The following SPATA6 variants were observed in gnomAD, a reference collection of about 807,000 sequenced individuals.
SPATA6 encodes spermatogenesis-associated protein 6.
SPATA6 carries 56 observed loss-of-function variants against 65.3 expected under a neutral mutation model. The observed-to-expected ratio is 0.86, with a 90% CI of 0.69 to 1.07. The LOEUF (loss-of-function observed/expected upper bound fraction) is 1.07, where lower values mean the gene tolerates loss of function less well. Among genes scored for constraint, SPATA6 ranks in the 50% least tolerant of loss-of-function variants. The pLI is 0.00. For missense variants in SPATA6, 590 were observed against 594.8 expected (o/e 0.99, Z 0.08); for synonymous variants, 199 against 213.2 (o/e 0.93, Z 0.58).
At chr1:48,266,465 T>C in the SPATA6 span, among the ~76,000 whole-genome samples, 1 of 152,232 alleles carries the variant, frequency 6.6e-6, no homozygotes, top group Admixed American at 6.5e-5. Context: ...CTGTTCTACC[T>C]AATTCACAAA....
At chr1:48,435,877 T>C in intron 3 of SPATA6, 1 of 1,325,240 alleles carries the variant, frequency 7.5e-7, no homozygotes. Context: ...CTAGGTAGGA[T>C]ATATCTGCAT....
At chr1:48,369,622 C>T (rs528747593) in intron 9 of SPATA6, among the ~76,000 whole-genome samples, 85 of 152,294 alleles carry the variant, frequency 5.6e-4, no homozygotes, top group African/African-American at 1.9e-3. Context: ...TTTTTAAGCC[C>T]GTCGGAAAAG....
chr1:48,262,804 C>T, the SPATA6 span: 11 of 152,154 alleles, frequency 7.2e-5, no homozygotes, highest in South Asian at 4.1e-4. Context: ...ATAGTTTTTA[C>T]GTAACACTGC....
intron 12 of SPATA6, among the ~76,000 whole-genome samples, chr1:48,304,342 C>T (rs758034816): frequency 7.9e-5 from 12 of 152,052 alleles, no homozygotes; most frequent in South Asian, 2.1e-4. Context: ...TTGAGAGGTA[C>T]CAAATTGTTC....
intron 3 of SPATA6, among the ~76,000 whole-genome samples, chr1:48,432,440 C>T (rs1031850777): frequency 2.0e-5 from 3 of 151,556 alleles, no homozygotes; most frequent in South Asian, 2.1e-4. Context: ...ATTCCTAAAA[C>T]GAAACCAAAA....
chr1:48,354,196 A>G (rs772384795), intron 11 of SPATA6, among the ~76,000 whole-genome samples: 4 of 152,110 alleles, frequency 2.6e-5, no homozygotes, highest in Non-Finnish European at 5.9e-5. Context: ...AACACAGAGA[A>G]GCACAGAGGC....
intron 9 of SPATA6, among the ~76,000 whole-genome samples, chr1:48,375,139 T>C (rs1466640556): frequency 5.9e-5 from 9 of 152,180 alleles, no homozygotes; most frequent in Non-Finnish European, 1.0e-4. Context: ...GGGATCTCTC[T>C]GGCTATAATG....
chr1:48,420,260 G>A lies in SPATA6; in HGVS notation c.239-7109C>T, dbSNP rs552644500. Among the ~76,000 whole-genome samples, 4 of 152,258 alleles carry A rather than the reference G, an allele frequency of 2.6e-5. No homozygotes were observed. In the East Asian group the frequency reaches 5.8e-4, roughly 22 times the overall value. ...AAGCTCCGTGCCCCTTCTACTATAC[G>A]TCATGCTATATATCTCTTCATCCAT... On this transcript the variant is annotated intron_variant, in intron 3 of 12. Transcript: ENST00000371847.
intron 3 of SPATA6, chr1:48,436,112 T>G: frequency 6.2e-7 from 1 of 1,610,040 alleles, no homozygotes; most frequent in Non-Finnish European, 8.5e-7. Flanking sequence ...GCCAGTGAAG[T>G]ACTATGTTCC....
At chr1:48,360,716 G>A (rs897617498) in intron 9 of SPATA6, among the ~76,000 whole-genome samples, 1 of 152,130 alleles carries the variant, frequency 6.6e-6, no homozygotes, top group African/African-American at 2.4e-5. Flanking sequence ...ATTATATTGA[G>A]AATAGTCTGC....
chr1:48,447,649 A>G (rs770075063), intron 3 of SPATA6, among the ~76,000 whole-genome samples: 9 of 152,210 alleles, frequency 5.9e-5, no homozygotes, highest in Non-Finnish European at 1.0e-4. Flanking sequence ...ATCATAGGAT[A>G]GGCCACAAAC....
At chr1:48,287,252 C>A in the SPATA6 span, among the ~76,000 whole-genome samples, 1 of 152,030 alleles carries the variant, frequency 6.6e-6, no homozygotes. Flanking sequence ...CATGAGAACT[C>A]ACTATCACAG....
chr1:48,471,612 G>A (rs1355263221), intron 1 of SPATA6, among the ~76,000 whole-genome samples: 3 of 152,120 alleles, frequency 2.0e-5, no homozygotes, highest in African/African-American at 7.2e-5. Flanking sequence ...ACTGGAGCCC[G>A]AAAGAGGAAT....
chr1:48,270,725 G>T, the SPATA6 span, among the ~76,000 whole-genome samples: 3 of 136,188 alleles, frequency 2.2e-5, no homozygotes, highest in African/African-American at 8.0e-5. Context: ...AGAAGAAGAG[G>T]AAAAAAAAAA....
At chr1:48,440,876 T>C (rs745821735) in intron 3 of SPATA6, among the ~76,000 whole-genome samples, 2 of 151,928 alleles carry the variant, frequency 1.3e-5, no homozygotes, top group Non-Finnish European at 2.9e-5. Context: ...TGTTCTATAA[T>C]AGGGACCAAG....
rs563423238 is a variant in SPATA6, at chr1:48,403,731, C to T, written c.486+71G>A. 77 of 1,261,614 alleles carry T rather than the reference C, an allele frequency of 6.1e-5. No individual in the cohort carries two copies. The East Asian group carries it at 7.1e-4, about 12-fold the overall frequency. The allele number at this position is 1,261,614 out of a possible 1,614,324, so 78.2% of individuals were successfully genotyped here. On this transcript the variant is annotated intron_variant, in intron 6 of 12. Transcript: ENST00000371847. Reference sequence around the variant, plus strand: ...AAAGAGCTGCAGCCAAAATAAATAACGCTTGCCAAAAGGCCACAAATATGA... The same window carrying T: ...AAAGAGCTGCAGCCAAAATAAATAATGCTTGCCAAAAGGCCACAAATATGA...
At chr1:48,285,068 G>C in the SPATA6 span, among the ~76,000 whole-genome samples, 1 of 152,186 alleles carries the variant, frequency 6.6e-6, no homozygotes, top group African/African-American at 2.4e-5. Flanking sequence ...CAGGGAGATG[G>C]GAATTTTATC....
At chr1:48,362,322 A>T (rs1341418357) in intron 9 of SPATA6, among the ~76,000 whole-genome samples, 1 of 152,140 alleles carries the variant, frequency 6.6e-6, no homozygotes, top group Non-Finnish European at 1.5e-5. Context: ...TTGTTTCTAG[A>T]ATATATCCAA....
Position 48,385,308 on chromosome 1 carries a change from C to G in SPATA6, c.909+1G>C. 1 of 1,606,184 alleles carries G rather than the reference C, an allele frequency of 6.2e-7. No individual in the cohort carries two copies. Among genetic ancestry groups the G allele is most frequent in the Non-Finnish European group, 8.5e-7 (1 of 1,177,134 alleles). Reference sequence around the variant, plus strand: ...ATTATTCTACAATTCATTCTACACACCTTATAATCCTTGGGTCGGCAGCAG... The same window carrying G: ...ATTATTCTACAATTCATTCTACACAGCTTATAATCCTTGGGTCGGCAGCAG... On this transcript the variant is annotated splice_donor_variant, in intron 9 of 12. Transcript: ENST00000371847. LOFTEE classifies it high-confidence loss of function.
Sources: allele counts gnomAD v4.1 joint callset (sites outside exome capture counted in the v4.1 genomes callset), GRCh38; gene constraint gnomAD v4.1.1; transcripts MANE v1.5; gene names NCBI Gene and HGNC (gene_info 2026-07-23, HGNC 2026-07-21).